The following LRMDA variants were observed in gnomAD, a reference collection of about 807,000 sequenced individuals.
LRMDA encodes the protein leucine-rich melanocyte differentiation-associated protein.
A neutral mutation model predicts 29.8 loss-of-function variants in LRMDA; 18 were observed. The ratio of observed to expected loss-of-function variants is 0.60; its 90% CI spans 0.42 to 0.90. The LOEUF is 0.90. Ranked by LOEUF, LRMDA falls within the 40% of genes least tolerant of loss-of-function variation. LRMDA has a pLI of 0.00. For missense variants in LRMDA, 273 were observed against 273.9 expected (o/e 1.00, Z 0.02); for synonymous variants, 125 against 109.4 (o/e 1.14, Z -0.89).
chr10:76,222,721 A>T (rs1851868072), intron 5 of LRMDA, among the ~76,000 whole-genome samples: 1 of 152,154 alleles, frequency 6.6e-6, no homozygotes, highest in African/African-American at 2.4e-5. Context: ...GATTCCTTGG[A>T]TCTAGAACTA....
rs1007209148 is a variant in LRMDA, at chr10:76,379,259, A to G, written c.601+54774A>G. Among the ~76,000 whole-genome samples the G allele has an allele frequency of 1.3e-5, 2 of 148,908 alleles. 1 individual carries two copies. The highest frequency in any genetic ancestry group is 4.2e-4 in the South Asian group (2 of 4,722). On this transcript the variant is annotated intron_variant, in intron 6 of 6. Transcript: ENST00000611255. ...GGCTTTATAGAATGAGTTAGGGAGG[A>G]GTCCTTCCTCCTCAATTTTTTGGAA...
chr10:75,848,293 C>G (rs915892696), intron 2 of LRMDA, among the ~76,000 whole-genome samples: 1 of 152,152 alleles, frequency 6.6e-6, no homozygotes, highest in Non-Finnish European at 1.5e-5. Flanking sequence ...TGAAATTAGC[C>G]AGTCACAAAA....
rs182130772 is a variant in LRMDA, at chr10:75,638,523, C to T, written c.131+200029C>T. On this transcript the variant is annotated intron_variant, in intron 2 of 6. Coordinates refer to ENST00000611255, the MANE Select transcript of LRMDA (RefSeq NM_001305581.2). ...TCCCCTTTCTCTGTCTCCTTTCTTT[C>T]TTCTCTCGCTCTGCTTCCCCCACCC... Among the ~76,000 whole-genome samples, 83 of 152,270 alleles carry T rather than the reference C, an allele frequency of 5.5e-4. 1 individual carries two copies. The highest frequency in any genetic ancestry group is 6.8e-3 in the Middle Eastern group (2 of 294).
intron 2 of LRMDA, among the ~76,000 whole-genome samples, chr10:75,851,300 CT>C (rs1270900150): frequency 6.6e-6 from 1 of 152,198 alleles, no homozygotes; most frequent in African/African-American, 2.4e-5. Flanking sequence ...TAGATTAGTC[CT>C]CTGTGATGCT....
chr10:76,308,522 G>A (rs1393696433), intron 5 of LRMDA, among the ~76,000 whole-genome samples: 1 of 152,098 alleles, frequency 6.6e-6, no homozygotes. Context: ...AGTGACTGGA[G>A]GAGATGGAGA....
chr10:76,374,196 G>A (rs1459724007), intron 6 of LRMDA, among the ~76,000 whole-genome samples: 1 of 152,180 alleles, frequency 6.6e-6, no homozygotes, highest in East Asian at 1.9e-4. Flanking sequence ...TAAGTTGAGT[G>A]TTAAAAGTCC....
At chr10:75,918,710 T>C (rs1392000416) in intron 2 of LRMDA, among the ~76,000 whole-genome samples, 1 of 152,106 alleles carries the variant, frequency 6.6e-6, no homozygotes, top group Non-Finnish European at 1.5e-5. Flanking sequence ...CCATAAGCAA[T>C]GTGGAGAATC....
chr10:75,925,194 C>G (rs1050353467), intron 2 of LRMDA, among the ~76,000 whole-genome samples: 2 of 152,018 alleles, frequency 1.3e-5, no homozygotes, highest in East Asian at 3.9e-4. Flanking sequence ...ACACAATAAT[C>G]TGATTTTTTT....
chr10:75,833,568 A>T (rs569337433), intron 2 of LRMDA, among the ~76,000 whole-genome samples: 3 of 152,194 alleles, frequency 2.0e-5, no homozygotes, highest in Admixed American at 6.5e-5. Context: ...CATCAATCCT[A>T]CGTGAAGTAT....
At chr10:76,442,087 C>T (rs1241579972) in intron 6 of LRMDA, among the ~76,000 whole-genome samples, 1 of 152,184 alleles carries the variant, frequency 6.6e-6, no homozygotes, top group Non-Finnish European at 1.5e-5. Context: ...TGAAAACCCT[C>T]ATAATCATGT....
intron 2 of LRMDA, among the ~76,000 whole-genome samples, chr10:75,994,478 C>T (rs1847425819): frequency 6.6e-6 from 1 of 152,216 alleles, no homozygotes; most frequent in Non-Finnish European, 1.5e-5. Flanking sequence ...AATCAGTGGG[C>T]TTTGCTTAGC....
intron 4 of LRMDA, among the ~76,000 whole-genome samples, chr10:76,053,084 T>A (rs903769522): frequency 3.3e-5 from 5 of 152,160 alleles, no homozygotes; most frequent in African/African-American, 4.8e-5. Flanking sequence ...TTAGTAGCTG[T>A]CTCTTCCTTC....
chr10:75,974,583 A>G (rs1393179029), intron 2 of LRMDA, among the ~76,000 whole-genome samples: 1 of 152,204 alleles, frequency 6.6e-6, no homozygotes, highest in East Asian at 1.9e-4. Context: ...AGAGTTTCAC[A>G]TTCATGAACT....
At chr10:75,857,622 G>C (rs936579919) in intron 2 of LRMDA, among the ~76,000 whole-genome samples, 1 of 152,186 alleles carries the variant, frequency 6.6e-6, no homozygotes, top group Admixed American at 6.5e-5. Flanking sequence ...GTAATCTATT[G>C]GTTTGGGAGC....
chr10:76,221,788 CA>C (rs1441481623), intron 5 of LRMDA, among the ~76,000 whole-genome samples: 1 of 152,006 alleles, frequency 6.6e-6, no homozygotes, highest in Non-Finnish European at 1.5e-5. Flanking sequence ...CATATGGAAC[CA>C]AAAAAGAGCC....
intron 5 of LRMDA, among the ~76,000 whole-genome samples, chr10:76,221,395 A>T (rs575059431): frequency 6.6e-6 from 1 of 152,218 alleles, no homozygotes; most frequent in Non-Finnish European, 1.5e-5. Context: ...CCCAAAATCT[A>T]CTTAAGCTGA....
intron 6 of LRMDA, among the ~76,000 whole-genome samples, chr10:76,439,887 T>TC (rs1319530733): frequency 6.6e-6 from 1 of 152,172 alleles, no homozygotes; most frequent in African/African-American, 2.4e-5. Context: ...CCAATGCTGA[T>TC]CAGGAAGGTT....
At chr10:76,365,107 T>TATATATATACACAC (rs141131236) in intron 6 of LRMDA, among the ~76,000 whole-genome samples, 3,733 of 61,142 alleles carry the variant, frequency 0.061, 181 homozygotes, top group Middle Eastern at 0.16. Context: ...TATATATATA[T>TATATATATACACAC]ACACACACAC....
At chr10:76,048,547 G>A (rs1174852114) in intron 4 of LRMDA, among the ~76,000 whole-genome samples, 1 of 152,216 alleles carries the variant, frequency 6.6e-6, no homozygotes, top group Non-Finnish European at 1.5e-5. Context: ...AAGATCTGAT[G>A]TGGAGTCCGG....
Sources: allele counts gnomAD v4.1 joint callset (sites outside exome capture counted in the v4.1 genomes callset), GRCh38; gene constraint gnomAD v4.1.1; transcripts MANE v1.5; gene names NCBI Gene and HGNC (gene_info 2026-07-23, HGNC 2026-07-21).